ADGRL2: variants seen among roughly 807,000 people sequenced by gnomAD.
ADGRL2 encodes the protein calcium-independent alpha-latrotoxin receptor 2.
ADGRL2 carries 44 observed loss-of-function variants against 157.4 expected under a neutral mutation model. The ratio of observed to expected loss-of-function variants is 0.28; its 90% CI spans 0.22 to 0.36. ADGRL2 has a LOEUF of 0.36. ADGRL2 is among the 10% of genes least tolerant of loss of function. The pLI, the probability that ADGRL2 is intolerant of heterozygous loss-of-function variation, is 1.00. For missense variants in ADGRL2, 1,510 were observed against 1,768.9 expected, an observed-to-expected ratio of 0.85 and a Z score of 2.63; for synonymous variants, 585 against 624.7, an observed-to-expected ratio of 0.94 and a Z score of 0.95.
intron 2 of ADGRL2, among the ~76,000 whole-genome samples, chr1:81,556,312 A>ATTTTTTTTTTTTT (rs145670261): frequency 2.3e-5 from 2 of 87,132 alleles, no homozygotes; most frequent in Non-Finnish European, 4.1e-5. Flanking sequence ...GGCTGTCACA[A>ATTTTTTTTTTTTT]TTTTTTTTTT....
chr1:81,676,640 T>A (rs981091153), intron 3 of ADGRL2, among the ~76,000 whole-genome samples: 3 of 151,998 alleles, frequency 2.0e-5, no homozygotes, highest in Non-Finnish European at 4.4e-5. Flanking sequence ...GCATGCATGT[T>A]ACCTGGAGAC....
chr1:81,659,946 C>T (rs527522135), intron 3 of ADGRL2, among the ~76,000 whole-genome samples: 2 of 152,256 alleles, frequency 1.3e-5, no homozygotes, highest in African/African-American at 4.8e-5. Context: ...GCAAAGAAAA[C>T]CATTATTTCA....
intron 3 of ADGRL2, among the ~76,000 whole-genome samples, chr1:81,650,055 TA>T (rs56088299): frequency 0.13 from 19,315 of 143,298 alleles, 1,647 homozygotes; most frequent in Non-Finnish European, 0.19. Context: ...CACCTATTCT[TA>T]AAAAAAAAAA....
intron 2 of ADGRL2, chr1:81,515,311 T>C (rs2148119413): frequency 6.6e-6 from 1 of 152,308 alleles, no homozygotes; most frequent in Non-Finnish European, 1.5e-5. Flanking sequence ...TTTTAGAGGT[T>C]TCTAAAATGA....
At chr1:81,763,449 T>C (rs1315434155) in intron 2 of ADGRL2, among the ~76,000 whole-genome samples, 1 of 150,656 alleles carries the variant, frequency 6.6e-6, no homozygotes, top group Non-Finnish European at 1.5e-5. Context: ...GCTAGCTGGG[T>C]ATGGTGGTGA....
chr1:81,429,259 A>G (rs983589937), intron 1 of ADGRL2, among the ~76,000 whole-genome samples: 5 of 151,876 alleles, frequency 3.3e-5, no homozygotes, highest in African/African-American at 1.2e-4. Context: ...TTGTGCAGTT[A>G]CCTAGAGGCT....
At chr1:81,602,023 T>C (rs1466977435) in intron 3 of ADGRL2, among the ~76,000 whole-genome samples, 2 of 152,170 alleles carry the variant, frequency 1.3e-5, no homozygotes, top group African/African-American at 4.8e-5. Flanking sequence ...TTCCGAATTT[T>C]AATTCCAATC....
At chr1:81,423,394 A>T (rs776530519) in intron 1 of ADGRL2, among the ~76,000 whole-genome samples, 37 of 152,272 alleles carry the variant, frequency 2.4e-4, no homozygotes, top group Non-Finnish European at 5.3e-4. Flanking sequence ...CAGATGCAGG[A>T]CCTATACCTA....
intron 1 of ADGRL2, among the ~76,000 whole-genome samples, chr1:81,363,205 A>G (rs1302945073): frequency 6.6e-6 from 1 of 152,116 alleles, no homozygotes; most frequent in Non-Finnish European, 1.5e-5. Context: ...TATTCTTGAT[A>G]GTCATAAAAA....
chr1:81,440,357 G>T (rs57484725), intron 1 of ADGRL2, among the ~76,000 whole-genome samples: 3,603 of 152,224 alleles, frequency 0.024, 72 homozygotes, highest in African/African-American at 0.042. Flanking sequence ...TAAATTAGCC[G>T]CTGTGAAGTG....
intron 2 of ADGRL2, among the ~76,000 whole-genome samples, chr1:81,785,559 CTG>C (rs1025727627): frequency 3.3e-5 from 5 of 151,818 alleles, no homozygotes; most frequent in African/African-American, 1.2e-4. Flanking sequence ...GAGACCCTGT[CTG>C]TACAAAAAAA....
intron 1 of ADGRL2, among the ~76,000 whole-genome samples, chr1:81,401,016 C>T (rs1052090882): frequency 1.3e-5 from 2 of 152,228 alleles, no homozygotes; most frequent in East Asian, 1.9e-4. Flanking sequence ...CCAGGAGCGT[C>T]GCTGTTCTGA....
At chr1:81,828,146 G>A (rs75916945) in intron 1 of ADGRL2, among the ~76,000 whole-genome samples, 2 of 152,188 alleles carry the variant, frequency 1.3e-5, no homozygotes, top group East Asian at 3.9e-4. Context: ...CACAGCCAAT[G>A]TCATTTCGGT....
chr1:81,778,195 A>G (rs1390914844), intron 2 of ADGRL2, among the ~76,000 whole-genome samples: 1 of 124,402 alleles, frequency 8.0e-6, no homozygotes, highest in African/African-American at 3.5e-5. Flanking sequence ...GGTGGCGGGC[A>G]CTTGTAGTCC....
chr1:81,440,055 A>G (rs987746843), intron 1 of ADGRL2, among the ~76,000 whole-genome samples: 2 of 152,192 alleles, frequency 1.3e-5, no homozygotes, highest in African/African-American at 4.8e-5. Flanking sequence ...CAGTATGCAA[A>G]AAAGGCTAAA....
chr1:81,482,790 A>G (rs1262603195), intron 2 of ADGRL2, among the ~76,000 whole-genome samples: 1 of 151,588 alleles, frequency 6.6e-6, no homozygotes, highest in African/African-American at 2.4e-5. Flanking sequence ...AACAGTATCT[A>G]TCCTTACATT....
chr1:81,662,023 G>T (rs1309847391), intron 3 of ADGRL2, among the ~76,000 whole-genome samples: 2 of 151,710 alleles, frequency 1.3e-5, no homozygotes, highest in Admixed American at 1.3e-4. Flanking sequence ...AATTTTTGTG[G>T]GTACATAGTA....
intron 2 of ADGRL2, among the ~76,000 whole-genome samples, chr1:81,898,539 A>T (rs963740323): frequency 6.6e-6 from 1 of 152,200 alleles, no homozygotes; most frequent in Non-Finnish European, 1.5e-5. Context: ...TCTAAAGTGG[A>T]TCTAATTAAG....
intron 2 of ADGRL2, among the ~76,000 whole-genome samples, chr1:81,900,577 G>C (rs1045370404): frequency 6.6e-6 from 1 of 152,096 alleles, no homozygotes; most frequent in African/African-American, 2.4e-5. Context: ...GCTATCCTTT[G>C]GTTGTAGTTC....
Sources: allele counts gnomAD v4.1 joint callset (sites outside exome capture counted in the v4.1 genomes callset), GRCh38; gene constraint gnomAD v4.1.1; transcripts MANE v1.5; gene names NCBI Gene and HGNC (gene_info 2026-07-23, HGNC 2026-07-21).